Variants in TMEM44 observed in about 807,000 individuals in gnomAD.
The protein encoded by TMEM44 is transmembrane protein 44.
A neutral mutation model predicts 47.8 loss-of-function variants in TMEM44; 43 were observed. The ratio of observed to expected loss-of-function variants is 0.90; its 90% CI spans 0.70 to 1.16. TMEM44 has a LOEUF of 1.16. TMEM44 is among the 50% of genes most tolerant of loss of function. The pLI is 0.00. For missense variants in TMEM44, 568 were observed against 555.2 expected, an observed-to-expected ratio of 1.02 and a Z score of -0.23; for synonymous variants, 277 against 238.8, an observed-to-expected ratio of 1.16 and a Z score of -1.48.
At chr3:194,605,776 G>A (rs1474168738) in intron 8 of TMEM44, among the ~76,000 whole-genome samples, 1 of 152,192 alleles carries the variant, frequency 6.6e-6, no homozygotes, top group African/African-American at 2.4e-5. Context: ...TCTATAAAAG[G>A]GGATGATAAT....
intron 9 of TMEM44, among the ~76,000 whole-genome samples, chr3:194,599,450 T>C (rs560423004): frequency 1.3e-5 from 2 of 152,216 alleles, no homozygotes; most frequent in African/African-American, 4.8e-5. Context: ...TTCAAGCAAA[T>C]AGGGGGGCAT....
At chr3:194,615,831 G>A in intron 6 of TMEM44, 134 bp from the exon 7 acceptor site, 1 of 1,225,580 alleles carries the variant, frequency 8.2e-7, no homozygotes, top group Non-Finnish European at 1.1e-6. Context: ...ATCCTGCCTG[G>A]GACAGAGAGG....
intron 3 of TMEM44, among the ~76,000 whole-genome samples, chr3:194,624,093 G>A (rs915950402): frequency 6.6e-6 from 1 of 152,186 alleles, no homozygotes; most frequent in African/African-American, 2.4e-5. Flanking sequence ...GCATCGACCC[G>A]TGAATCAGCG....
rs977016745 is a variant in TMEM44 at position 194,610,995 on chromosome 3, G to A, written c.938C>T (p.Thr313Ile). Residue 313 changes from threonine to isoleucine, a missense_variant, in exon 8 of 10, where the codon ACA (threonine) becomes ATA (isoleucine). By Grantham distance (89) the Thr-to-Ile change is moderately conservative. Coordinates refer to ENST00000347147, the MANE Select transcript of TMEM44 (RefSeq NM_001011655.3). ...CCTCAGTGACTTGCAGTGTGACAGT[G>A]TGGTGAGAGGCACCCAATCCAAATT... is the stretch of plus-strand genomic sequence containing the variant. ...QENLDWVPLT[T>I]LSHCKSLRTM... 6.2e-7 allele frequency: 1 copy of A among 1,613,962 alleles called. No individual in the cohort carries two copies. Among genetic ancestry groups the A allele is most frequent in the Non-Finnish European group, 8.5e-7 (1 of 1,180,010 alleles).
intron 9 of TMEM44, among the ~76,000 whole-genome samples, chr3:194,597,768 A>G (rs191628460): frequency 5.9e-5 from 9 of 152,280 alleles, no homozygotes; most frequent in African/African-American, 2.2e-4. Context: ...CATACCCCTG[A>G]CCCATTTAGG....
intron 9 of TMEM44, chr3:194,590,129 G>A (rs1712457352): frequency 6.6e-6 from 1 of 152,206 alleles, no homozygotes; most frequent in South Asian, 2.1e-4. Flanking sequence ...ATCCTTAGAG[G>A]TTCCAGCGAA....
At chr3:194,616,334 G>T in intron 6 of TMEM44, 1 of 299,512 alleles carries the variant, frequency 3.3e-6, no homozygotes, top group Non-Finnish European at 6.6e-6. Flanking sequence ...TTACAGTCGT[G>T]AGCCACCGTG....
intron 9 of TMEM44, among the ~76,000 whole-genome samples, chr3:194,591,677 C>A (rs1712742101): frequency 6.6e-6 from 1 of 151,814 alleles, no homozygotes; most frequent in African/African-American, 2.4e-5. Context: ...ATGATCTGGG[C>A]TCACTGCAAC....
At chr3:194,614,276 C>T (rs908726613) in intron 7 of TMEM44, among the ~76,000 whole-genome samples, 2 of 152,220 alleles carry the variant, frequency 1.3e-5, no homozygotes, top group African/African-American at 4.8e-5. Context: ...TTTCCAAAGG[C>T]TGGATCATGT....
At chr3:194,614,135 T>TAAAAC (rs777919063) in intron 7 of TMEM44, among the ~76,000 whole-genome samples, 1 of 151,396 alleles carries the variant, frequency 6.6e-6, no homozygotes, top group Non-Finnish European at 1.5e-5. Context: ...AAAAACAAAA[T>TAAAAC]AAAACAAAAC....
chr3:194,599,121 G>A (rs899181808), intron 9 of TMEM44, among the ~76,000 whole-genome samples: 1 of 152,322 alleles, frequency 6.6e-6, no homozygotes, highest in Admixed American at 6.5e-5. Context: ...AAGAAGTCAC[G>A]AACCAGAGGA....
At chr3:194,590,709 G>A (rs573314159) in intron 9 of TMEM44, among the ~76,000 whole-genome samples, 43 of 152,258 alleles carry the variant, frequency 2.8e-4, no homozygotes, top group Non-Finnish European at 7.4e-5. Flanking sequence ...GCCCACCCTA[G>A]CCCCTGGGTA....
At position 194,604,368 on chromosome 3, in the gene TMEM44, C is replaced by T. The variant is rs752968820; in HGVS notation, c.1095G>A (p.Ser365=). 27 of 1,562,184 alleles carry T rather than the reference C, an allele frequency of 1.7e-5. 1 individual carries two copies. The highest frequency in any genetic ancestry group is 7.1e-5 in the South Asian group (6 of 84,790). Residue 365 remains serine (S), a synonymous_variant, in exon 9 of 10, where the codon TCG becomes TCA. Transcript: ENST00000347147. The stretch of plus-strand genomic sequence containing the variant: ...CCCGGATGACCTGAACGGGAGGGTA[C>T]GACGGGGGGTCCTGCAGGGACGCAT... ...AGDASLQDPP[S]YPPVQVIRAR...
intron 1 of TMEM44, 65 bp downstream of exon 1, chr3:194,633,014 G>C: frequency 6.6e-7 from 1 of 1,517,564 alleles, no homozygotes; most frequent in Non-Finnish European, 8.9e-7. Flanking sequence ...GTTTCCGAGA[G>C]GGAGCAGCAG....
intron 9 of TMEM44, chr3:194,593,184 G>T: frequency 1.8e-6 from 2 of 1,103,556 alleles, no homozygotes; most frequent in Non-Finnish European, 2.8e-6. Flanking sequence ...CAGGAGACAG[G>T]CCCTTAGATG....
At chr3:194,589,489 C>T (rs1712323733) in intron 9 of TMEM44, 1 of 152,184 alleles carries the variant, frequency 6.6e-6, no homozygotes, top group Non-Finnish European at 1.5e-5. Context: ...TGATGGGCTC[C>T]ACGGGAACAG....
At chr3:194,613,888 C>A (rs951485458) in intron 7 of TMEM44, among the ~76,000 whole-genome samples, 1 of 151,298 alleles carries the variant, frequency 6.6e-6, no homozygotes, top group Admixed American at 6.6e-5. Context: ...TTTGGGAAGC[C>A]GAGGTGGGCG....
rs1331336252 is a variant in TMEM44 at position 194,610,959 on chromosome 3, G to A, written c.974C>T (p.Ala325Val). The A allele has an allele frequency of 1.2e-6, 2 of 1,614,038 alleles. No individual in the cohort carries two copies. The highest frequency in any genetic ancestry group is 1.1e-5 in the South Asian group (1 of 90,994). ...GGTCAGCTCCATGTAGCGACTGATT[G>A]CTGTCATTGTCCTCAGTGACTTGCA... ...SHCKSLRTMTAISRYMELTIE... is the reference protein window; with the variant it reads ...SHCKSLRTMTVISRYMELTIE... Residue 325 changes from alanine to valine, a missense_variant, in exon 8 of 10, where the codon GCA becomes GTA. By Grantham distance (64) the Ala-to-Val change is moderately conservative. Coordinates refer to ENST00000347147, the MANE Select transcript of TMEM44 (RefSeq NM_001011655.3).
chr3:194,591,381 C>T lies in TMEM44; in HGVS notation c.1177-2742G>A, dbSNP rs142567392. 6.9e-3 allele frequency among the ~76,000 whole-genome samples: 1,053 copies of T among 152,164 alleles called. 10 individuals are homozygous for T. The highest frequency in any genetic ancestry group is 0.023 in the African/African-American group (935 of 41,526). On this transcript the variant is annotated intron_variant, in intron 9 of 9. Transcript: ENST00000347147. The stretch of plus-strand genomic sequence containing the variant: ...TGGTGACAGGCGCCTATAATCCCAG[C>T]CACTTGGGAGGCTGAAGCAGGAGAA...
Sources: gnomAD v4.1 joint callset for allele counts (sites outside exome capture counted in the v4.1 genomes callset) on GRCh38, gnomAD v4.1.1 for gene constraint, MANE v1.5 for transcripts, NCBI Gene and HGNC (gene_info 2026-07-23, HGNC 2026-07-21) for gene names.